The following SGCZ variants were observed in gnomAD, a reference collection of about 807,000 sequenced individuals.
The protein encoded by SGCZ is zeta-sarcoglycan.
Under a neutral mutation model 41.3 loss-of-function variants are expected in SGCZ, and 40 were observed. That is an observed-to-expected ratio of 0.97 (90% CI 0.75 to 1.26). SGCZ has a LOEUF of 1.26. Ranked by LOEUF, SGCZ falls within the 50% of genes most tolerant of loss-of-function variation. The probability of loss-of-function intolerance (pLI) is 0.00; values close to 1 mark genes in which losing one functional copy is unlikely to be tolerated. For synonymous variants in SGCZ, 206 were observed against 137.5 expected (o/e 1.50, Z -3.49); for missense variants, 552 against 369.8 (o/e 1.49, Z -4.04).
At chr8:15,022,366 A>G (rs920949691) in intron 1 of SGCZ, among the ~76,000 whole-genome samples, 2 of 151,942 alleles carry the variant, frequency 1.3e-5, no homozygotes, top group African/African-American at 2.4e-5. Flanking sequence ...ATTTTTTGAG[A>G]CAGAGTCTTG....
intron 1 of SGCZ, among the ~76,000 whole-genome samples, chr8:14,566,238 A>C (rs1157369647): frequency 6.6e-6 from 1 of 152,246 alleles, no homozygotes. Context: ...ATTCTCTTGA[A>C]TTATTTACAT....
chr8:14,894,658 T>C (rs1288821327), intron 1 of SGCZ, among the ~76,000 whole-genome samples: 2 of 152,162 alleles, frequency 1.3e-5, no homozygotes, highest in Non-Finnish European at 2.9e-5. Context: ...AATTTTCAGA[T>C]GAACCAAAAG....
At chr8:14,939,338 G>A (rs1800188325) in intron 1 of SGCZ, among the ~76,000 whole-genome samples, 1 of 152,056 alleles carries the variant, frequency 6.6e-6, no homozygotes, top group Admixed American at 6.6e-5. Flanking sequence ...AAACTGTTAA[G>A]CATCTACCTT....
At position 15,012,787 on chromosome 8, in the gene SGCZ, A is replaced by T. The variant is rs1802887647; in HGVS notation, c.39+224798T>A. 2.0e-5 allele frequency among the ~76,000 whole-genome samples: 3 copies of T among 149,178 alleles called. No homozygotes were observed. The Admixed American group carries it at 2.0e-4, about 10-fold the overall frequency. ...TATAAATGTAGGTATATATTTATTT[A>T]TGTGTGTGTGCATATATATATATAC... is the stretch of plus-strand genomic sequence containing the variant. On this transcript the variant is annotated intron_variant, in intron 1 of 7. Transcript: ENST00000382080.
At chr8:14,782,908 T>C (rs542883778) in intron 1 of SGCZ, among the ~76,000 whole-genome samples, 1 of 152,176 alleles carries the variant, frequency 6.6e-6, no homozygotes, top group Non-Finnish European at 1.5e-5. Flanking sequence ...AGAAATAAGA[T>C]GTGCTGAATC....
At chr8:15,152,204 G>C (rs2117020148) in intron 1 of SGCZ, among the ~76,000 whole-genome samples, 1 of 152,262 alleles carries the variant, frequency 6.6e-6, no homozygotes, top group Admixed American at 6.5e-5. Context: ...CTTCATAATT[G>C]CTGAATCACA....
At chr8:14,436,126 C>A (rs1349187783) in intron 2 of SGCZ, among the ~76,000 whole-genome samples, 2 of 152,068 alleles carry the variant, frequency 1.3e-5, no homozygotes, top group African/African-American at 4.8e-5. Flanking sequence ...AGGAAGGGAG[C>A]GAGAGAATAA....
At chr8:14,102,076 T>TTATA (rs55667194) in intron 7 of SGCZ, among the ~76,000 whole-genome samples, 2,594 of 119,722 alleles carry the variant, frequency 0.022, 125 homozygotes, top group African/African-American at 0.084. Context: ...TTGGCTAACT[T>TTATA]TATATATATA....
At position 14,477,006 on chromosome 8, in the gene SGCZ, G is replaced by A. The variant is rs934819866; in HGVS notation, c.234+77726C>T. 3.9e-5 allele frequency among the ~76,000 whole-genome samples: 6 copies of A among 152,086 alleles called. No homozygotes were observed. In the East Asian group the frequency reaches 7.7e-4, roughly 20 times the overall value. Reference sequence around the variant, plus strand: ...CTATATACCTATTTTGTTCCCATTGGGAAATATTTGAGGACTGCCTACTGG... The same window carrying A: ...CTATATACCTATTTTGTTCCCATTGAGAAATATTTGAGGACTGCCTACTGG... On this transcript the variant is annotated intron_variant, in intron 2 of 7. Transcript: ENST00000382080.
intron 1 of SGCZ, among the ~76,000 whole-genome samples, chr8:14,683,773 G>C (rs1808520304): frequency 6.6e-6 from 1 of 151,868 alleles, no homozygotes; most frequent in African/African-American, 2.4e-5. Flanking sequence ...CATCATTCTT[G>C]TACAGAACCA....
chr8:14,373,902 G>A (rs1804006632), intron 2 of SGCZ, among the ~76,000 whole-genome samples: 1 of 152,034 alleles, frequency 6.6e-6, no homozygotes, highest in South Asian at 2.1e-4. Context: ...GATGGTTGAT[G>A]GGTGCAGCAA....
chr8:15,089,414 C>A (rs910177859), intron 1 of SGCZ, among the ~76,000 whole-genome samples: 6 of 151,998 alleles, frequency 3.9e-5, no homozygotes, highest in African/African-American at 1.4e-4. Flanking sequence ...TTAAAATATG[C>A]TCCTCTAAAA....
At chr8:14,250,074 T>C (rs957666150) in intron 3 of SGCZ, among the ~76,000 whole-genome samples, 1 of 152,218 alleles carries the variant, frequency 6.6e-6, no homozygotes, top group African/African-American at 2.4e-5. Flanking sequence ...CCTAAGATTC[T>C]GCATTTCAAA....
At chr8:15,040,271 T>C (rs558056821) in intron 1 of SGCZ, among the ~76,000 whole-genome samples, 2 of 152,334 alleles carry the variant, frequency 1.3e-5, no homozygotes, top group Non-Finnish European at 2.9e-5. Flanking sequence ...AGTAGGAATA[T>C]ATCATACATG....
chr8:14,949,448 AAAGAG>A (rs1800559060), intron 1 of SGCZ, among the ~76,000 whole-genome samples: 1 of 152,196 alleles, frequency 6.6e-6, no homozygotes, highest in Non-Finnish European at 1.5e-5. Context: ...GTTACTGTGT[AAAGAG>A]AAGACTGATT....
intron 1 of SGCZ, among the ~76,000 whole-genome samples, chr8:14,573,393 G>A (rs1431065473): frequency 5.9e-5 from 9 of 151,552 alleles, no homozygotes; most frequent in Non-Finnish European, 1.3e-4. Context: ...GTAGAGACGG[G>A]GTTTCACCGT....
chr8:15,145,747 C>G (rs10089260), intron 1 of SGCZ, among the ~76,000 whole-genome samples: 1 of 152,150 alleles, frequency 6.6e-6, no homozygotes, highest in Non-Finnish European at 1.5e-5. Context: ...GAGCACCATA[C>G]GTGGCCCTCC....
chr8:15,223,422 C>G (rs1033368674), intron 1 of SGCZ, among the ~76,000 whole-genome samples: 1 of 152,140 alleles, frequency 6.6e-6, no homozygotes, highest in Non-Finnish European at 1.5e-5. Flanking sequence ...TGTGTGACTA[C>G]CACATGGTAA....
chr8:14,525,473 T>G (rs1369394348), intron 2 of SGCZ, among the ~76,000 whole-genome samples: 1 of 152,156 alleles, frequency 6.6e-6, no homozygotes, highest in Non-Finnish European at 1.5e-5. Flanking sequence ...TTTTAATATA[T>G]CATTATTAAT....
Sources: allele counts gnomAD v4.1 joint callset (sites outside exome capture counted in the v4.1 genomes callset), GRCh38; gene constraint gnomAD v4.1.1; transcripts MANE v1.5; gene names NCBI Gene and HGNC (gene_info 2026-07-23, HGNC 2026-07-21).